The following PTPRD variants were observed in gnomAD, a reference collection of about 807,000 sequenced individuals.
PTPRD encodes the protein protein tyrosine phosphatase receptor type D.
Under a neutral mutation model 214.5 loss-of-function variants are expected in PTPRD, and 34 were observed. That is an observed-to-expected ratio of 0.16 (90% CI 0.12 to 0.21). The LOEUF is 0.21. Ranked by LOEUF, PTPRD falls within the 10% of genes least tolerant of loss-of-function variation. PTPRD has a pLI of 1.00. For synonymous variants in PTPRD, 1,128 were observed against 845.7 expected (o/e 1.33, Z -5.79); for missense variants, 2,545 against 2,398.7 (o/e 1.06, Z -1.27).
chr9:9,541,529 A>C (rs2077584650), intron 8 of PTPRD, among the ~76,000 whole-genome samples: 1 of 151,848 alleles, frequency 6.6e-6, no homozygotes. Flanking sequence ...GCAAATGTTT[A>C]AGCCACTGGT....
chr9:9,301,644 A>G (rs1955353683), intron 9 of PTPRD, among the ~76,000 whole-genome samples: 1 of 151,912 alleles, frequency 6.6e-6, no homozygotes, highest in African/African-American at 2.4e-5. Flanking sequence ...TTTTGATGGA[A>G]CACTAATCTG....
intron 14 of PTPRD, among the ~76,000 whole-genome samples, chr9:8,552,406 G>A (rs138928874): frequency 6.6e-6 from 1 of 152,120 alleles, no homozygotes; most frequent in Non-Finnish European, 1.5e-5. Flanking sequence ...TGTGTTTTTG[G>A]ATTTGGTATC....
chr9:10,114,217 G>C (rs77030226), intron 3 of PTPRD, among the ~76,000 whole-genome samples: 4,449 of 152,226 alleles, frequency 0.029, 194 homozygotes, highest in African/African-American at 0.098. Context: ...AGAATATTAT[G>C]TGCCTTTATA....
At chr9:9,142,257 T>C (rs1406181608) in intron 10 of PTPRD, among the ~76,000 whole-genome samples, 1 of 152,204 alleles carries the variant, frequency 6.6e-6, no homozygotes, top group East Asian at 1.9e-4. Flanking sequence ...AGAACTCTGA[T>C]GCCTCCCTCC....
At chr9:10,400,789 T>C (rs1403377558) in intron 2 of PTPRD, among the ~76,000 whole-genome samples, 1 of 151,662 alleles carries the variant, frequency 6.6e-6, no homozygotes, top group South Asian at 2.1e-4. Flanking sequence ...TTATATATTA[T>C]TGTCCCTCAT....
intron 39 of PTPRD, among the ~76,000 whole-genome samples, chr9:8,349,364 T>A (rs1036805688): frequency 1.3e-5 from 2 of 152,200 alleles, no homozygotes; most frequent in African/African-American, 4.8e-5. Flanking sequence ...ATATTTATTT[T>A]GTTTCCTTCT....
chr9:8,693,911 C>G (rs1448694398), intron 12 of PTPRD, among the ~76,000 whole-genome samples: 3 of 152,122 alleles, frequency 2.0e-5, no homozygotes, highest in African/African-American at 7.2e-5. Context: ...CTCAGATTTT[C>G]CTAAATGCTA....
chr9:8,777,535 T>C (rs746660869), intron 11 of PTPRD, among the ~76,000 whole-genome samples: 5 of 152,210 alleles, frequency 3.3e-5, no homozygotes, highest in Non-Finnish European at 5.9e-5. Context: ...AGGAAAAAGT[T>C]TACAGCTAGT....
chr9:9,114,142 T>A (rs749170406), intron 10 of PTPRD, among the ~76,000 whole-genome samples: 1 of 152,166 alleles, frequency 6.6e-6, no homozygotes, highest in Non-Finnish European at 1.5e-5. Flanking sequence ...GTTTAGTCAA[T>A]GCAAACAAAA....
chr9:10,146,044 G>A (rs2099020141), intron 3 of PTPRD, among the ~76,000 whole-genome samples: 1 of 151,698 alleles, frequency 6.6e-6, no homozygotes, highest in Non-Finnish European at 1.5e-5. Context: ...AAAGTATGCA[G>A]ATGTAATATT....
At chr9:9,641,086 A>C (rs533351381) in intron 7 of PTPRD, among the ~76,000 whole-genome samples, 39 of 152,126 alleles carry the variant, frequency 2.6e-4, no homozygotes, top group African/African-American at 9.4e-4. Flanking sequence ...TGAAAGCTAT[A>C]GCTTTAAATA....
intron 2 of PTPRD, among the ~76,000 whole-genome samples, chr9:10,454,785 AT>A (rs2098893122): frequency 6.6e-6 from 1 of 151,568 alleles, no homozygotes; most frequent in African/African-American, 2.4e-5. Context: ...CATATGCAGA[AT>A]TTTTCTTTAA....
chr9:9,167,575 A>T (rs2099906669), intron 10 of PTPRD, among the ~76,000 whole-genome samples: 1 of 151,832 alleles, frequency 6.6e-6, no homozygotes, highest in Non-Finnish European at 1.5e-5. Context: ...ATCAACATGG[A>T]GAAACTCTGT....
At chr9:9,917,573 T>A (rs1296271895) in intron 5 of PTPRD, among the ~76,000 whole-genome samples, 2 of 151,608 alleles carry the variant, frequency 1.3e-5, no homozygotes, top group Non-Finnish European at 2.9e-5. Flanking sequence ...AAGGTATTCC[T>A]CCCAAATTAT....
intron 3 of PTPRD, among the ~76,000 whole-genome samples, chr9:10,060,021 C>A (rs913149413): frequency 3.3e-5 from 5 of 151,930 alleles, no homozygotes; most frequent in African/African-American, 1.2e-4. Flanking sequence ...ATGAAAAAAT[C>A]TTTATGAATT....
At chr9:9,284,598 A>G (rs947434222) in intron 9 of PTPRD, among the ~76,000 whole-genome samples, 4 of 151,746 alleles carry the variant, frequency 2.6e-5, no homozygotes, top group African/African-American at 9.7e-5. Context: ...GTTTTTGAAG[A>G]TTAATGTCTT....
chr9:8,353,581 C>T (rs889144133), intron 39 of PTPRD, among the ~76,000 whole-genome samples: 3 of 151,794 alleles, frequency 2.0e-5, no homozygotes, highest in Non-Finnish European at 2.9e-5. Flanking sequence ...TACTGGCACA[C>T]GCCACTACAC....
chr9:9,928,670 G>C (rs761098200), intron 5 of PTPRD, among the ~76,000 whole-genome samples: 24 of 151,758 alleles, frequency 1.6e-4, no homozygotes, highest in Non-Finnish European at 2.6e-4. Flanking sequence ...AACTCGACTA[G>C]TGATACCTGA....
At chr9:9,122,173 G>A (rs2154464763) in intron 10 of PTPRD, among the ~76,000 whole-genome samples, 1 of 152,246 alleles carries the variant, frequency 6.6e-6, no homozygotes, top group South Asian at 2.1e-4. Flanking sequence ...ATCTTACAGT[G>A]AAATGATGTG....
Sources: allele counts gnomAD v4.1 joint callset (sites outside exome capture counted in the v4.1 genomes callset), GRCh38; gene constraint gnomAD v4.1.1; transcripts MANE v1.5; gene names NCBI Gene and HGNC (gene_info 2026-07-23, HGNC 2026-07-21).